Variants in DIPK1A observed in about 807,000 individuals in gnomAD.
DIPK1A encodes the protein family with sequence similarity 69 member A.
Under a neutral mutation model 40.8 loss-of-function variants are expected in DIPK1A, and 27 were observed. That is an observed-to-expected ratio of 0.66 (90% confidence interval 0.49 to 0.91). The LOEUF is 0.91. Ranked by LOEUF, DIPK1A falls within the 40% of genes least tolerant of loss-of-function variation. The pLI, the probability that DIPK1A is intolerant of heterozygous loss-of-function variation, is 0.00. For missense variants in DIPK1A, 412 were observed against 505.7 expected (o/e 0.81, Z 1.78); for synonymous variants, 166 against 171.3 (o/e 0.97, Z 0.24).
chr1:92,896,061 T>C (rs1282207366), intron 1 of DIPK1A, among the ~76,000 whole-genome samples: 1 of 152,132 alleles, frequency 6.6e-6, no homozygotes, highest in Non-Finnish European at 1.5e-5. Flanking sequence ...ATCAATATCG[T>C]AAAAATGGCC....
At chr1:92,837,333 C>T (rs1232089398), downstream of DIPK1A, 2 of 859,418 alleles carry the variant, frequency 2.3e-6, no homozygotes, top group South Asian at 2.7e-5. Flanking sequence ...GTAGTTGGTC[C>T]TTTGGTTGCA....
intron 1 of DIPK1A, among the ~76,000 whole-genome samples, chr1:92,926,951 A>G (rs1557488189): frequency 6.6e-6 from 1 of 152,084 alleles, no homozygotes; most frequent in Non-Finnish European, 1.5e-5. Flanking sequence ...GACAATCTCT[A>G]TCTTTTAATT....
chr1:92,895,295 GCTTATCCAC>G (rs888207876), intron 1 of DIPK1A, among the ~76,000 whole-genome samples: 13 of 152,172 alleles, frequency 8.5e-5, no homozygotes, highest in Admixed American at 8.5e-4. Context: ...ACATCAAAAA[GCTTATCCAC>G]CATGATCAAG....
At chr1:92,884,973 A>G (rs1019166345) in intron 1 of DIPK1A, among the ~76,000 whole-genome samples, 3 of 152,202 alleles carry the variant, frequency 2.0e-5, no homozygotes, top group African/African-American at 7.2e-5. Context: ...AATTGCTAAT[A>G]TTCTGTGAGA....
At chr1:92,836,704 A>G (rs1687145036) in intron 4 of DIPK1A, 2 of 297,492 alleles carry the variant, frequency 6.7e-6, no homozygotes, top group South Asian at 8.1e-5. Context: ...CTCTTTCCCC[A>G]TGCACTTTCT....
At chr1:92,870,113 C>T (rs910240533) in intron 2 of DIPK1A, among the ~76,000 whole-genome samples, 1 of 149,418 alleles carries the variant, frequency 6.7e-6, no homozygotes, top group African/African-American at 2.5e-5. Flanking sequence ...CACACACACA[C>T]ATATCTGTTG....
chr1:92,840,786 CTG>C (rs770640667), downstream of DIPK1A: 58 of 748,310 alleles, frequency 7.8e-5, no homozygotes, highest in African/African-American at 5.4e-4. Context: ...GCAAAAGTAA[CTG>C]TGGTGATGGA....
intron 2 of DIPK1A, among the ~76,000 whole-genome samples, chr1:92,872,069 CTTTTTTTTTTTT>C (rs148010880): frequency 2.9e-5 from 2 of 67,936 alleles, no homozygotes; most frequent in South Asian, 9.7e-4. Context: ...TTCTTTAAAT[CTTTTTTTTTTTT>C]TTTTTTTTTT....
intron 1 of DIPK1A, among the ~76,000 whole-genome samples, 166 bp downstream of exon 1, chr1:92,961,210 G>A (rs1057291249): frequency 6.0e-5 from 9 of 151,224 alleles, no homozygotes; most frequent in Admixed American, 2.0e-4. Context: ...AGCCGCTGAG[G>A]GGGCTGGGGA....
intron 2 of DIPK1A, among the ~76,000 whole-genome samples, chr1:92,872,434 C>T (rs1463514555): frequency 6.6e-6 from 1 of 151,946 alleles, no homozygotes; most frequent in East Asian, 1.9e-4. Flanking sequence ...CATTGTTTTA[C>T]CTATTTCTTC....
At chr1:92,938,757 CTA>C (rs1223423573) in intron 1 of DIPK1A, among the ~76,000 whole-genome samples, 1 of 151,994 alleles carries the variant, frequency 6.6e-6, no homozygotes, top group Non-Finnish European at 1.5e-5. Context: ...AAAAACTGTC[CTA>C]TCAATCATCA....
At chr1:92,846,847 GTATATATATATGTGTGTA>G (rs1557449980) in intron 4 of DIPK1A, among the ~76,000 whole-genome samples, 1 of 348 alleles carries the variant, frequency 2.9e-3, no homozygotes, top group Non-Finnish European at 4.5e-3. Flanking sequence ...ATATATGTGT[GTATATATATATGTGTGTA>G]TATATATATA....
chr1:92,840,245 AAG>A (rs1305252192), downstream of DIPK1A: 22 of 350,414 alleles, frequency 6.3e-5, no homozygotes, highest in African/African-American at 4.7e-4. Context: ...TCCTGGGCTG[AAG>A]TGATCCTCCC....
chr1:92,846,890 C>CGTATAT (rs1553123841), intron 4 of DIPK1A, among the ~76,000 whole-genome samples: 1 of 6,210 alleles, frequency 1.6e-4, no homozygotes, highest in African/African-American at 9.9e-4. Context: ...TATACACACA[C>CGTATAT]ACGTATATAT....
At chr1:92,903,001 A>T (rs1206637264) in intron 1 of DIPK1A, among the ~76,000 whole-genome samples, 1 of 152,142 alleles carries the variant, frequency 6.6e-6, no homozygotes, top group African/African-American at 2.4e-5. Flanking sequence ...TTCTTAGGTC[A>T]AAGGGTATGC....
chr1:92,961,402 AG>A lies in DIPK1A; in HGVS notation c.27del (p.Trp10GlyfsTer2). MARSLCPG[A>X]WLRKPYYLQA... ...TGGAGGTAATAGGGTTTCCTTAGCC[AG>A]GCCCCCGGACAGAGACTCCTCGCCA... On this transcript the variant is annotated frameshift_variant, in exon 1 of 5. Coordinates refer to ENST00000370310, the MANE Select transcript of DIPK1A (RefSeq NM_001006605.5). LOFTEE classifies it high-confidence loss of function. 1 of 1,531,076 alleles carries A rather than the reference AG, an allele frequency of 6.5e-7. No individual in the cohort carries two copies. The highest frequency in any genetic ancestry group is 1.2e-5 in the South Asian group (1 of 84,578). 94.8% of individuals were successfully genotyped at this position (1,531,076 alleles called of 1,614,324 possible).
chr1:92,856,032 G>T (rs1227440034), intron 2 of DIPK1A, among the ~76,000 whole-genome samples: 1 of 152,040 alleles, frequency 6.6e-6, no homozygotes, highest in African/African-American at 2.4e-5. Context: ...AAATGTGATT[G>T]TGCCACTGCA....
chr1:92,845,464 T>TTAGA (rs1158957723), intron 4 of DIPK1A: 8 of 336,716 alleles, frequency 2.4e-5, no homozygotes, highest in Non-Finnish European at 5.5e-6. Flanking sequence ...AGCTCAGGAG[T>TTAGA]TCTAGACCCG....
chr1:92,834,178 T>G (rs1452138884), intron 4 of DIPK1A, among the ~76,000 whole-genome samples: 1 of 152,220 alleles, frequency 6.6e-6, no homozygotes, highest in Non-Finnish European at 1.5e-5. Context: ...GAATAGGGTT[T>G]GTCCTGATTT....
Sources: allele counts gnomAD v4.1 joint callset (sites outside exome capture counted in the v4.1 genomes callset), GRCh38; gene constraint gnomAD v4.1.1; transcripts MANE v1.5; gene names NCBI Gene and HGNC (gene_info 2026-07-23, HGNC 2026-07-21).